Variants in SHANK2 observed in about 807,000 individuals in gnomAD.
The protein encoded by SHANK2 is SH3 and multiple ankyrin repeat domains 2, also known as SH3 and multiple ankyrin repeat domains protein 2.
In SHANK2, 43 loss-of-function variants were observed where a neutral mutation model predicts 133.7. The ratio of observed to expected loss-of-function variants is 0.32; its 90% CI spans 0.25 to 0.41. The LOEUF (loss-of-function observed/expected upper bound fraction) is 0.41. Among genes scored for constraint, SHANK2 ranks in the 10% least tolerant of loss-of-function variants. SHANK2 has a pLI of 1.00. For synonymous variants in SHANK2, 1,017 were observed against 952.8 expected (o/e 1.07, Z -1.24); for missense variants, 1,994 against 2,235.8 (o/e 0.89, Z 2.18).
chr11:70,625,127 C>T (rs1194046982), intron 17 of SHANK2, among the ~76,000 whole-genome samples: 1 of 152,180 alleles, frequency 6.6e-6, no homozygotes, highest in Non-Finnish European at 1.5e-5. Flanking sequence ...AGGCTGAGAT[C>T]AGGCAAGGAC....
chr11:71,232,412 C>CTTT lies in SHANK2; in HGVS notation c.-112-7617_-112-7616insAAA, dbSNP rs1954757550. Among the ~76,000 whole-genome samples, 3 of 152,292 alleles carry CTTT rather than the reference C, an allele frequency of 2.0e-5. No homozygotes were observed. In the South Asian group the frequency reaches 6.2e-4, roughly 32 times the overall value. ...AACTATTTCTTACAACTGCAATCAT[C>CTTT]TTAAAAATATAGTTGGCCCTTAAGC... On this transcript the variant is annotated intron_variant, in intron 1 of 25. Transcript: ENST00000601538.
At chr11:70,747,749 A>G (rs142214532) in intron 14 of SHANK2, among the ~76,000 whole-genome samples, 1 of 152,302 alleles carries the variant, frequency 6.6e-6, no homozygotes, top group African/African-American at 2.4e-5. Flanking sequence ...ATATGTGTGA[A>G]CAGGCACGTG....
intron 2 of SHANK2, among the ~76,000 whole-genome samples, chr11:71,164,665 C>T (rs1401289073): frequency 3.3e-5 from 5 of 152,200 alleles, no homozygotes; most frequent in South Asian, 2.1e-4. Flanking sequence ...CACTGGTAAA[C>T]GGAGATGTGC....
rs75961505 is a variant in SHANK2 at position 70,861,029 on chromosome 11, G to A, written c.1174+35472C>T. On this transcript the variant is annotated intron_variant, in intron 11 of 25. Coordinates refer to ENST00000601538, the MANE Select transcript of SHANK2 (RefSeq NM_012309.5). ...ACCTGCTGGGCACACGGGGAGCAGC[G>A]CTGGCCTTTCCGGGCCCCCTTGTGG... 4.5e-3 allele frequency among the ~76,000 whole-genome samples: 683 copies of A among 152,316 alleles called. 8 individuals carry two copies. The highest frequency in any genetic ancestry group is 0.015 in the African/African-American group (639 of 41,574).
At chr11:71,060,961 G>C (rs1356950018) in intron 9 of SHANK2, among the ~76,000 whole-genome samples, 3 of 152,192 alleles carry the variant, frequency 2.0e-5, no homozygotes, top group African/African-American at 7.2e-5. Context: ...ATGTTGCTTT[G>C]AGTACAGGAA....
chr11:70,631,404 A>ACACACC (rs1555002172), intron 17 of SHANK2, among the ~76,000 whole-genome samples: 82 of 149,390 alleles, frequency 5.5e-4, no homozygotes, highest in African/African-American at 1.9e-3. Flanking sequence ...ACACACACAC[A>ACACACC]CACACCCACA....
At chr11:70,857,074 G>C (rs1555066929) in intron 11 of SHANK2, among the ~76,000 whole-genome samples, 1 of 152,198 alleles carries the variant, frequency 6.6e-6, no homozygotes, top group African/African-American at 2.4e-5. Context: ...CTGCAAGAGG[G>C]ATTAAGCAAA....
intron 14 of SHANK2, among the ~76,000 whole-genome samples, chr11:70,701,362 C>G (rs1377530588): frequency 6.6e-6 from 1 of 152,078 alleles, no homozygotes; most frequent in Non-Finnish European, 1.5e-5. Flanking sequence ...ATATTAAGAA[C>G]AGTAAATTCC....
chr11:71,100,244 T>C (rs1323520899), intron 6 of SHANK2, among the ~76,000 whole-genome samples: 1 of 152,148 alleles, frequency 6.6e-6, no homozygotes, highest in Non-Finnish European at 1.5e-5. Context: ...TACTCCACAA[T>C]CCAGCAACCC....
intron 2 of SHANK2, among the ~76,000 whole-genome samples, chr11:71,148,043 C>A (rs1194106263): frequency 2.0e-5 from 3 of 150,490 alleles, no homozygotes; most frequent in Non-Finnish European, 4.4e-5. Flanking sequence ...CACAAAGAGT[C>A]AGGCCAGGTT....
intron 3 of SHANK2, among the ~76,000 whole-genome samples, chr11:71,120,030 T>G (rs1452746682): frequency 6.6e-6 from 1 of 152,166 alleles, no homozygotes; most frequent in African/African-American, 2.4e-5. Context: ...GGAAAGCAAT[T>G]ACGGAAAAAC....
At chr11:71,148,939 T>G (rs1362656923) in intron 2 of SHANK2, among the ~76,000 whole-genome samples, 2 of 152,010 alleles carry the variant, frequency 1.3e-5, no homozygotes, top group Admixed American at 1.3e-4. Context: ...ACATGCCCAA[T>G]GCAGGAGAGC....
At chr11:70,657,417 T>C (rs1331054977) in intron 17 of SHANK2, among the ~76,000 whole-genome samples, 2 of 152,224 alleles carry the variant, frequency 1.3e-5, no homozygotes, top group Non-Finnish European at 2.9e-5. Flanking sequence ...CTATACAAGA[T>C]TTTAATATTC....
intron 17 of SHANK2, among the ~76,000 whole-genome samples, chr11:70,647,828 C>T (rs1410731743): frequency 2.0e-5 from 3 of 152,196 alleles, no homozygotes; most frequent in African/African-American, 7.2e-5. Context: ...TGAACACCCG[C>T]CCATCCCACC....
At chr11:71,118,263 T>A (rs1952017165) in intron 4 of SHANK2, among the ~76,000 whole-genome samples, 1 of 152,166 alleles carries the variant, frequency 6.6e-6, no homozygotes, top group Non-Finnish European at 1.5e-5. Context: ...TACAACAGTG[T>A]GAGATTCATG....
chr11:70,601,301 C>T (rs1264444261), intron 17 of SHANK2, among the ~76,000 whole-genome samples: 2 of 151,496 alleles, frequency 1.3e-5, no homozygotes, highest in Admixed American at 1.3e-4. Flanking sequence ...CTCACTGCAA[C>T]CTTTGCCTCC....
intron 11 of SHANK2, among the ~76,000 whole-genome samples, chr11:70,865,697 G>A (rs1320976041): frequency 3.3e-5 from 5 of 151,478 alleles, no homozygotes; most frequent in African/African-American, 1.2e-4. Context: ...GCCTCGCACC[G>A]CCTTCTGATG....
rs117179210 is a variant in SHANK2, at chr11:70,590,858, C to T, written c.2061+68970G>A. ...GCTGAACCCACAAATATCCCCAGGT[C>T]GGCCTGTGCAGAAAACAAGAGCTGA... On this transcript the variant is annotated intron_variant, in intron 17 of 25. Coordinates refer to ENST00000601538, the MANE Select transcript of SHANK2 (RefSeq NM_012309.5). Among the ~76,000 whole-genome samples, 44 of 152,190 alleles carry T rather than the reference C, an allele frequency of 2.9e-4. No individual in the cohort carries two copies. The East Asian group carries it at 6.2e-3, about 21-fold the overall frequency.
intron 14 of SHANK2, among the ~76,000 whole-genome samples, chr11:70,726,046 T>A (rs1048035206): frequency 7.2e-5 from 11 of 152,208 alleles, no homozygotes; most frequent in African/African-American, 2.7e-4. Context: ...ACCAGCTCTC[T>A]CCTCCATGTA....
Sources: gnomAD v4.1 joint callset for allele counts (sites outside exome capture counted in the v4.1 genomes callset) on GRCh38, gnomAD v4.1.1 for gene constraint, MANE v1.5 for transcripts, NCBI Gene and HGNC (gene_info 2026-07-23, HGNC 2026-07-21) for gene names.